DPYD: variants seen among roughly 807,000 people sequenced by gnomAD.
DPYD encodes dihydropyrimidine dehydrogenase.
Under a neutral mutation model 116.2 loss-of-function variants are expected in DPYD, and 109 were observed. The observed-to-expected ratio is 0.94, with a 90% confidence interval of 0.80 to 1.10. The LOEUF (loss-of-function observed/expected upper bound fraction) is 1.10. Ranked by LOEUF, DPYD falls within the 50% of genes least tolerant of loss-of-function variation. The pLI, the probability that DPYD is intolerant of heterozygous loss-of-function variation, is 0.00. For missense variants in DPYD, 1,302 were observed against 1,254.5 expected, an observed-to-expected ratio of 1.04 and a Z score of -0.57; for synonymous variants, 440 against 432.0, an observed-to-expected ratio of 1.02 and a Z score of -0.23.
At chr1:97,173,312 G>GTA (rs1656939249) in intron 20 of DPYD, among the ~76,000 whole-genome samples, 1 of 147,420 alleles carries the variant, frequency 6.8e-6, no homozygotes, top group African/African-American at 2.6e-5. Flanking sequence ...ACATATATAT[G>GTA]CACACATATA....
At chr1:97,601,957 T>C (rs1655274600) in intron 8 of DPYD, among the ~76,000 whole-genome samples, 1 of 152,066 alleles carries the variant, frequency 6.6e-6, no homozygotes, top group Non-Finnish European at 1.5e-5. Flanking sequence ...GTCTATACTC[T>C]TTCTCTAAAT....
intron 14 of DPYD, among the ~76,000 whole-genome samples, chr1:97,414,822 T>C (rs1674201765): frequency 6.6e-6 from 1 of 152,246 alleles, no homozygotes; most frequent in Non-Finnish European, 1.5e-5. Context: ...TGCCTGGCAT[T>C]GTGTTTGGCT....
intron 20 of DPYD, among the ~76,000 whole-genome samples, chr1:97,146,578 T>A (rs1345483153): frequency 6.6e-6 from 1 of 152,216 alleles, no homozygotes; most frequent in African/African-American, 2.4e-5. Flanking sequence ...AAGGTCTGGA[T>A]GGAAATAAAA....
chr1:97,715,574 C>T (rs1231104501), intron 5 of DPYD, among the ~76,000 whole-genome samples: 1 of 152,066 alleles, frequency 6.6e-6, no homozygotes, highest in Non-Finnish European at 1.5e-5. Context: ...TTCACATAAG[C>T]CAGTTTGCCT....
chr1:97,547,460 A>G (rs1650986273), intron 12 of DPYD, among the ~76,000 whole-genome samples: 1 of 151,952 alleles, frequency 6.6e-6, no homozygotes, highest in Non-Finnish European at 1.5e-5. Flanking sequence ...CCACTCACCA[A>G]CTTGTCTCCT....
At chr1:97,284,062 T>C (rs1250289900) in intron 18 of DPYD, among the ~76,000 whole-genome samples, 1 of 152,202 alleles carries the variant, frequency 6.6e-6, no homozygotes, top group Non-Finnish European at 1.5e-5. Context: ...TTTAATTAAT[T>C]CTGAGATTTA....
At chr1:97,313,562 C>A (rs1420738856) in intron 16 of DPYD, among the ~76,000 whole-genome samples, 3 of 149,934 alleles carry the variant, frequency 2.0e-5, no homozygotes, top group African/African-American at 7.3e-5. Context: ...TGACATAGAC[C>A]CACCTGTGTG....
At chr1:97,528,551 G>A (rs937558736) in intron 12 of DPYD, among the ~76,000 whole-genome samples, 1 of 151,942 alleles carries the variant, frequency 6.6e-6, no homozygotes, top group African/African-American at 2.4e-5. Flanking sequence ...CCAATTATCA[G>A]CTCTTTAGCA....
At chr1:97,620,589 A>G (rs1656576289) in intron 8 of DPYD, among the ~76,000 whole-genome samples, 1 of 152,184 alleles carries the variant, frequency 6.6e-6, no homozygotes, top group South Asian at 2.1e-4. Context: ...AACTTTTTAA[A>G]CATAGTTGGC....
At chr1:97,173,215 CAT>C (rs1409361158) in intron 20 of DPYD, among the ~76,000 whole-genome samples, 36 of 134,940 alleles carry the variant, frequency 2.7e-4, no homozygotes, top group Middle Eastern at 4.2e-3. Flanking sequence ...CATATATACA[CAT>C]ATACGTACAT....
At chr1:97,163,881 TGA>T (rs1280774693) in intron 20 of DPYD, among the ~76,000 whole-genome samples, 1 of 152,172 alleles carries the variant, frequency 6.6e-6, no homozygotes, top group African/African-American at 2.4e-5. Context: ...GAAACAAGAT[TGA>T]GAGACAACTT....
intron 2 of DPYD, among the ~76,000 whole-genome samples, chr1:97,882,189 C>T (rs534179957): frequency 1.3e-5 from 2 of 151,874 alleles, no homozygotes; most frequent in Non-Finnish European, 2.9e-5. Flanking sequence ...TGATAGAAAA[C>T]AAAGCTCCCA....
rs147747286 is a variant in DPYD, at chr1:97,611,461, G to A, written c.851-16295C>T. 6.4e-3 allele frequency among the ~76,000 whole-genome samples: 976 copies of A among 152,060 alleles called. 7 individuals carry two copies. Among genetic ancestry groups the A allele is most frequent in the African/African-American group, 0.022 (909 of 41,492 alleles). On this transcript the variant is annotated intron_variant, in intron 8 of 22. Coordinates refer to ENST00000370192, the MANE Select transcript of DPYD (RefSeq NM_000110.4). ...TGCACAAATCTTATTTTTCTATAGA[G>A]AGAAAAAATAAAATATCTTATTGTT...
At chr1:97,574,615 C>T (rs528993457) in intron 10 of DPYD, among the ~76,000 whole-genome samples, 12 of 152,078 alleles carry the variant, frequency 7.9e-5, no homozygotes, top group Non-Finnish European at 1.8e-4. Flanking sequence ...TTCATTTTGC[C>T]ATAAAATCTG....
intron 14 of DPYD, among the ~76,000 whole-genome samples, chr1:97,402,047 T>G (rs936522761): frequency 1.3e-5 from 2 of 152,166 alleles, no homozygotes; most frequent in Non-Finnish European, 2.9e-5. Context: ...GTCTTGAGGT[T>G]AGGTAGTGTC....
intron 18 of DPYD, among the ~76,000 whole-genome samples, chr1:97,264,325 G>C (rs1664089378): frequency 6.6e-6 from 1 of 151,426 alleles, no homozygotes; most frequent in African/African-American, 2.4e-5. Flanking sequence ...ACCATGCCTG[G>C]CTAGTATTTT....
intron 2 of DPYD, among the ~76,000 whole-genome samples, chr1:97,858,566 T>C (rs1670963823): frequency 6.6e-6 from 1 of 152,160 alleles, no homozygotes; most frequent in Admixed American, 6.5e-5. Flanking sequence ...TAACATTGGC[T>C]GTAATCAGAA....
chr1:97,196,986 A>C lies in DPYD; in HGVS notation c.2443-3738T>G, dbSNP rs554537826. Among the ~76,000 whole-genome samples the C allele has an allele frequency of 5.3e-5, 8 of 152,338 alleles. No individual in the cohort carries two copies. In the South Asian group the frequency reaches 1.7e-3, roughly 32 times the overall value. On this transcript the variant is annotated intron_variant, in intron 19 of 22. Coordinates refer to ENST00000370192, the MANE Select transcript of DPYD (RefSeq NM_000110.4). The stretch of plus-strand genomic sequence containing the variant: ...GTTTTCAATTTACCTTCTTACTTGT[A>C]CAGTATGAGTAAGAATAGTAACAAG...
At chr1:97,303,891 G>A (rs1034685481) in intron 18 of DPYD, among the ~76,000 whole-genome samples, 1 of 151,950 alleles carries the variant, frequency 6.6e-6, no homozygotes, top group African/African-American at 2.4e-5. Flanking sequence ...CCTGAGGTAT[G>A]ACTGAGCTTG....
Sources: allele counts gnomAD v4.1 joint callset (sites outside exome capture counted in the v4.1 genomes callset), GRCh38; gene constraint gnomAD v4.1.1; transcripts MANE v1.5; gene names NCBI Gene and HGNC (gene_info 2026-07-23, HGNC 2026-07-21).